Variants in ARFIP1 observed in about 807,000 individuals in gnomAD.
The protein encoded by ARFIP1 is arfaptin-1.
A neutral mutation model predicts 42.5 loss-of-function variants in ARFIP1; 24 were observed. The observed-to-expected ratio is 0.57, with a 90% CI of 0.41 to 0.80. The LOEUF is 0.80. Ranked by LOEUF, ARFIP1 falls within the 30% of genes least tolerant of loss-of-function variation. ARFIP1 has a pLI of 0.00. For synonymous variants in ARFIP1, 141 were observed against 153.7 expected, an observed-to-expected ratio of 0.92 and a Z score of 0.61; for missense variants, 354 against 434.0, an observed-to-expected ratio of 0.82 and a Z score of 1.64.
intron 6 of ARFIP1, 93 bp from the exon 7 acceptor site, chr4:152,882,629 AT>A: frequency 8.3e-7 from 1 of 1,209,952 alleles, no homozygotes; most frequent in Non-Finnish European, 1.2e-6. Flanking sequence ...CTCTATCTAA[AT>A]CACATATTTT....
intron 1 of ARFIP1, among the ~76,000 whole-genome samples, chr4:152,816,661 G>A (rs1729912471): frequency 6.6e-6 from 1 of 152,204 alleles, no homozygotes. Context: ...CTCTATGAGA[G>A]CAGGGGGCTT....
chr4:152,811,386 TG>T (rs113518957), intron 1 of ARFIP1, among the ~76,000 whole-genome samples: 99 of 152,278 alleles, frequency 6.5e-4, no homozygotes, highest in African/African-American at 2.3e-3. Context: ...TTATAGTGTG[TG>T]GTATCTCTGA....
At chr4:152,851,475 C>T (rs572404373) in intron 2 of ARFIP1, among the ~76,000 whole-genome samples, 2 of 152,216 alleles carry the variant, frequency 1.3e-5, no homozygotes, top group African/African-American at 4.8e-5. Flanking sequence ...AATGTGAGGG[C>T]AGGTGTGTGA....
chr4:152,819,189 C>T (rs1730152273), intron 1 of ARFIP1, among the ~76,000 whole-genome samples: 1 of 152,140 alleles, frequency 6.6e-6, no homozygotes, highest in Non-Finnish European at 1.5e-5. Flanking sequence ...GTGCTACCTC[C>T]TGGCTGATGG....
At chr4:152,792,540 C>T (rs1731201802) in intron 1 of ARFIP1, among the ~76,000 whole-genome samples, 1 of 152,144 alleles carries the variant, frequency 6.6e-6, no homozygotes, top group East Asian at 1.9e-4. Flanking sequence ...ATTTGAAAAG[C>T]TCCCATTATG....
chr4:152,796,546 C>T, intron 1 of ARFIP1: 1 of 779,294 alleles, frequency 1.3e-6, no homozygotes, highest in South Asian at 1.4e-5. Context: ...AGTACTTTAG[C>T]TCGAGATTGT....
At chr4:152,865,291 C>T (rs1178726076) in intron 3 of ARFIP1, among the ~76,000 whole-genome samples, 1 of 152,018 alleles carries the variant, frequency 6.6e-6, no homozygotes, top group Admixed American at 6.5e-5. Context: ...CGCCTGCCAC[C>T]ATGCCGGGCT....
chr4:152,872,910 G>A (rs767655560), intron 5 of ARFIP1, among the ~76,000 whole-genome samples: 1 of 152,184 alleles, frequency 6.6e-6, no homozygotes, highest in Non-Finnish European at 1.5e-5. Flanking sequence ...TGAAGGTGAA[G>A]AGAGGTATAT....
Position 152,911,500 on chromosome 4 carries a change from G to A in ARFIP1, c.*1281G>A, listed in dbSNP as rs529555163. Reference sequence around the variant, plus strand: ...AATGTGGTTGCCCTGTCCACTACATGGTTCTATCAGTAGTGTAATCCATTT... The same window carrying A: ...AATGTGGTTGCCCTGTCCACTACATAGTTCTATCAGTAGTGTAATCCATTT... On this transcript the variant is annotated 3_prime_UTR_variant, in exon 9 of 9. Transcript: ENST00000353617. The A allele has an allele frequency of 3.9e-5, 6 of 152,276 alleles. No individual in the cohort carries two copies. Among genetic ancestry groups the A allele is most frequent in the Non-Finnish European group, 8.8e-5 (6 of 67,982 alleles). 9.4% of individuals were successfully genotyped at this position (152,276 alleles called of 1,614,324 possible). A position where few individuals can be genotyped will look rare whatever the true frequency, so the allele number is the denominator to read the frequency against.
chr4:152,907,234 A>T (rs1479574297), intron 8 of ARFIP1, among the ~76,000 whole-genome samples: 1 of 152,230 alleles, frequency 6.6e-6, no homozygotes, highest in Non-Finnish European at 1.5e-5. Flanking sequence ...AATGGAGGTA[A>T]GTAACATTTT....
chr4:152,834,252 A>G (rs1731472588), intron 2 of ARFIP1, among the ~76,000 whole-genome samples: 1 of 152,192 alleles, frequency 6.6e-6, no homozygotes, highest in Non-Finnish European at 1.5e-5. Context: ...ACATTTCAAC[A>G]TGGGATTTGG....
chr4:152,902,832 G>A (rs558135264), intron 8 of ARFIP1, among the ~76,000 whole-genome samples: 3 of 152,272 alleles, frequency 2.0e-5, no homozygotes, highest in Admixed American at 6.5e-5. Flanking sequence ...CCAGCGAGCG[G>A]TATTTGAGAA....
In ARFIP1 at chr4:152,866,660, C is replaced by T. The variant is rs560078261; in HGVS notation, c.202+2946C>T. ...GGCTGACCCCCACCTCCCTCCCGGA[C>T]GGGGTGGCTGCCAGGCGGAGACGCT... On this transcript the variant is annotated intron_variant, in intron 3 of 8. Coordinates refer to ENST00000353617, the MANE Select transcript of ARFIP1 (RefSeq NM_001025595.3). Among the ~76,000 whole-genome samples, 13 of 151,696 alleles carry T rather than the reference C, an allele frequency of 8.6e-5. No individual in the cohort carries two copies. In the East Asian group the frequency reaches 2.4e-3, roughly 28 times the overall value.
At chr4:152,809,188 A>G (rs931652948) in intron 1 of ARFIP1, among the ~76,000 whole-genome samples, 1 of 152,216 alleles carries the variant, frequency 6.6e-6, no homozygotes, top group Non-Finnish European at 1.5e-5. Flanking sequence ...TCTCTTATAT[A>G]GGGCATGCTT....
intron 1 of ARFIP1, among the ~76,000 whole-genome samples, chr4:152,789,116 A>T (rs2149814752): frequency 8.9e-6 from 1 of 112,298 alleles, no homozygotes; most frequent in Non-Finnish European, 1.7e-5. Flanking sequence ...TTTGAGGTAG[A>T]GTCTCACTCT....
At chr4:152,880,116 T>C (rs370856611) in intron 5 of ARFIP1, among the ~76,000 whole-genome samples, 13 of 152,020 alleles carry the variant, frequency 8.6e-5, no homozygotes, top group Non-Finnish European at 5.9e-5. Flanking sequence ...CCAAGGCAGG[T>C]TGATCAGTTG....
At position 152,889,590 on chromosome 4, in the gene ARFIP1, C is replaced by CATTTATGTGTATAT. The variant is rs1561173022; in HGVS notation, c.966+1285_966+1286insTTATGTGTATATAT. 2.8e-5 allele frequency among the ~76,000 whole-genome samples: 3 copies of CATTTATGTGTATAT among 108,630 alleles called. No individual in the cohort carries two copies. The East Asian group carries it at 7.2e-4, about 26-fold the overall frequency. 71.3% of individuals were successfully genotyped at this position (108,630 alleles called of 152,430 possible). ...ATGTGTATATATAAATATATATACACATAAATATATATATACTATATATAC... is the reference window on the plus strand; with the variant it reads ...ATGTGTATATATAAATATATATACACATTTATGTGTATATATAAATATATATATACTATATATAC... On this transcript the variant is annotated intron_variant, in intron 8 of 8. Transcript: ENST00000353617.
intron 8 of ARFIP1, 91 bp from the exon 9 acceptor site, chr4:152,909,972 TA>T: frequency 6.9e-7 from 1 of 1,459,086 alleles, no homozygotes; most frequent in Non-Finnish European, 9.4e-7. Context: ...TCAAGAGAGA[TA>T]CACTATTTAA....
intron 1 of ARFIP1, among the ~76,000 whole-genome samples, chr4:152,815,738 CTTTTTTTTTTTTT>C (rs1218298842): frequency 1.2e-5 from 1 of 85,550 alleles, no homozygotes; most frequent in Non-Finnish European, 2.2e-5. Context: ...CTGACCACTT[CTTTTTTTTTTTTT>C]TTTTTTTTTT....
Sources: gnomAD v4.1 joint callset for allele counts (sites outside exome capture counted in the v4.1 genomes callset) on GRCh38, gnomAD v4.1.1 for gene constraint, MANE v1.5 for transcripts, NCBI Gene and HGNC (gene_info 2026-07-23, HGNC 2026-07-21) for gene names.